POLN: variants seen among roughly 807,000 people sequenced by gnomAD.
POLN encodes DNA polymerase nu, also known as DNA polymerase N.
A neutral mutation model predicts 113.5 loss-of-function variants in POLN; 108 were observed. The observed-to-expected ratio is 0.95, with a 90% confidence interval of 0.81 to 1.12. The LOEUF (loss-of-function observed/expected upper bound fraction) is 1.12, where lower values mean the gene tolerates loss of function less well. Among genes scored for constraint, POLN ranks in the 50% most tolerant of loss-of-function variants. The pLI is 0.00. For synonymous variants in POLN, 386 were observed against 391.5 expected (o/e 0.99, Z 0.17); for missense variants, 1,097 against 1,077.1 (o/e 1.02, Z -0.26).
chr4:2,171,177 C>T lies in POLN; in HGVS notation c.1379G>A (p.Arg460His), dbSNP rs763131078. 33 of 1,610,898 alleles carry T rather than the reference C, an allele frequency of 2.0e-5. No homozygotes were observed. Among genetic ancestry groups the T allele is most frequent in the Middle Eastern group, 3.3e-4 (2 of 6,070 alleles). ...MEKTSALLGARLKELEQEAHF... is the reference protein window; with the variant it reads ...MEKTSALLGAHLKELEQEAHF... ...AGCTTCTTGCTCCAATTCCTTGAGA[C>T]GAGCCTGAAAATATGATACACACAA... The change falls in exon 12 of 26, where the codon CGT becomes CAT. Residue 460 changes from arginine (R) to histidine (H), a missense_variant. Coordinates refer to ENST00000511885, the MANE Select transcript of POLN (RefSeq NM_181808.4).
intron 4 of POLN, among the ~76,000 whole-genome samples, chr4:2,211,736 G>A (rs1013685773): frequency 2.0e-5 from 3 of 151,964 alleles, no homozygotes; most frequent in African/African-American, 7.3e-5. Flanking sequence ...TGGTTGCAGA[G>A]GTGGAGGTAG....
intron 20 of POLN, 41 bp from the exon 21 acceptor site, chr4:2,085,785 C>T: frequency 6.2e-7 from 1 of 1,609,240 alleles, no homozygotes; most frequent in East Asian, 2.2e-5. Flanking sequence ...TCACTCACAC[C>T]AGCCGTGACT....
intron 19 of POLN, among the ~76,000 whole-genome samples, chr4:2,114,543 T>C (rs1577700960): frequency 6.6e-6 from 1 of 152,350 alleles, no homozygotes; most frequent in South Asian, 2.1e-4. Context: ...GTTTCAGCAC[T>C]TGAAGGAAGT....
chr4:2,156,450 A>T (rs1222111958), intron 16 of POLN: 3 of 489,952 alleles, frequency 6.1e-6, no homozygotes, highest in Non-Finnish European at 1.2e-5. Context: ...TCATAGCATC[A>T]GATACTTCAA....
intron 7 of POLN, among the ~76,000 whole-genome samples, chr4:2,187,214 G>C (rs984841556): frequency 2.0e-5 from 3 of 151,648 alleles, no homozygotes; most frequent in African/African-American, 7.3e-5. Flanking sequence ...AATAATAACA[G>C]AAAACTTCCC....
intron 8 of POLN, among the ~76,000 whole-genome samples, chr4:2,176,605 A>G (rs1733003897): frequency 6.6e-6 from 1 of 152,186 alleles, no homozygotes; most frequent in Non-Finnish European, 1.5e-5. Flanking sequence ...AGACTGAGAA[A>G]CAGAACCACA....
chr4:2,098,901 CACAT>C (rs1730858375), intron 19 of POLN, among the ~76,000 whole-genome samples: 1 of 134,790 alleles, frequency 7.4e-6, no homozygotes, highest in Non-Finnish European at 1.6e-5. Context: ...AATGTGTGTG[CACAT>C]GCACGTGCGT....
rs957053016 is a variant in POLN at position 2,093,363 on chromosome 4, G to C, written c.2065+2488C>G. Reference sequence around the variant, plus strand: ...ACTGACATGGCACAGAAGTGAAGTAGGACTCAGACGTAACGGCAGATGACA... The same window carrying C: ...ACTGACATGGCACAGAAGTGAAGTACGACTCAGACGTAACGGCAGATGACA... On this transcript the variant is annotated intron_variant, in intron 20 of 25. Coordinates refer to ENST00000511885, the MANE Select transcript of POLN (RefSeq NM_181808.4). This position sits in a 1 kb window ranked among gnomAD's most constrained non-coding sequence, Gnocchi z 4.1. Among the ~76,000 whole-genome samples the C allele has an allele frequency of 6.6e-6, 1 of 152,246 alleles. No individual in the cohort carries two copies. Among genetic ancestry groups the C allele is most frequent in the African/African-American group, 2.4e-5 (1 of 41,466 alleles).
chr4:2,163,051 A>AAAAT (rs1732639892), intron 13 of POLN, among the ~76,000 whole-genome samples: 1 of 134,750 alleles, frequency 7.4e-6, no homozygotes. Context: ...AAAAAAAAAA[A>AAAAT]CTCCTGCCAG....
At chr4:2,098,285 G>T (rs117282175) in intron 19 of POLN, among the ~76,000 whole-genome samples, 1 of 152,236 alleles carries the variant, frequency 6.6e-6, no homozygotes, top group African/African-American at 2.4e-5. Context: ...TGGGCATGAT[G>T]ATATGCCCCT....
intron 7 of POLN, among the ~76,000 whole-genome samples, chr4:2,180,209 G>T (rs1733100609): frequency 1.3e-5 from 2 of 152,108 alleles, no homozygotes; most frequent in African/African-American, 4.8e-5. Flanking sequence ...ATATACATGA[G>T]AAAATGCTTT....
At position 2,159,317 on chromosome 4, in the gene POLN, T is replaced by A. The variant is rs1732520006; in HGVS notation, c.1555-106A>T. 33 of 968,700 alleles carry A rather than the reference T, an allele frequency of 3.4e-5. No individual in the cohort carries two copies. In the South Asian group the frequency reaches 4.1e-4, roughly 12 times the overall value. 60.0% of individuals were successfully genotyped at this position (968,700 alleles called of 1,614,324 possible). A position where few individuals can be genotyped will look rare whatever the true frequency, so the allele number is the denominator to read the frequency against. Reference sequence around the variant, plus strand: ...TCATAATAAATGGTCTAATTGAGCATATTTTCCAAAATAAAGATGCATAAT... The same window carrying A: ...TCATAATAAATGGTCTAATTGAGCAAATTTTCCAAAATAAAGATGCATAAT... On this transcript the variant is annotated intron_variant, in intron 13 of 25. Coordinates refer to ENST00000511885, the MANE Select transcript of POLN (RefSeq NM_181808.4).
intron 16 of POLN, among the ~76,000 whole-genome samples, chr4:2,131,774 G>A (rs531400309): frequency 6.6e-6 from 1 of 152,200 alleles, no homozygotes; most frequent in Non-Finnish European, 1.5e-5. Context: ...TTGGTGGCTT[G>A]TGCTACGTCC....
At chr4:2,076,812 G>C (rs1180134415) in intron 23 of POLN, 1 of 152,346 alleles carries the variant, frequency 6.6e-6, no homozygotes, top group African/African-American at 2.4e-5. Flanking sequence ...TTCCACAGGG[G>C]ATGTGGACTT....
intron 2 of POLN, chr4:2,240,664 C>T (rs1479801870): frequency 6.2e-7 from 1 of 1,613,966 alleles, no homozygotes; most frequent in Non-Finnish European, 8.5e-7. Context: ...TCTTTATCAT[C>T]CAGTCTAGGT....
chr4:2,074,031 C>G (rs1391231495), intron 24 of POLN, among the ~76,000 whole-genome samples: 1 of 152,238 alleles, frequency 6.6e-6, no homozygotes, highest in Admixed American at 6.5e-5. Context: ...GAGAGCCGGC[C>G]CAGGCCAAGC....
chr4:2,241,275 C>A (rs183088418), intron 2 of POLN, among the ~76,000 whole-genome samples: 2 of 152,166 alleles, frequency 1.3e-5, no homozygotes, highest in African/African-American at 4.8e-5. Flanking sequence ...AAAACCGCAA[C>A]AGTAACGAAA....
chr4:2,195,481 A>G (rs1378435846), intron 6 of POLN, among the ~76,000 whole-genome samples: 2 of 150,174 alleles, frequency 1.3e-5, no homozygotes, highest in East Asian at 3.9e-4. Flanking sequence ...TTAGCTTGGT[A>G]ATTCTTTTTT....
intron 2 of POLN, chr4:2,240,310 C>CTGCTG (rs761620636): frequency 3.5e-5 from 56 of 1,608,808 alleles, no homozygotes; most frequent in Non-Finnish European, 4.6e-5. Context: ...AAAGTTAATG[C>CTGCTG]TGCTGTGCTT....
Sources: allele counts gnomAD v4.1 joint callset (sites outside exome capture counted in the v4.1 genomes callset), GRCh38; gene constraint gnomAD v4.1.1; non-coding constraint Gnocchi (gnomAD v3.1); transcripts MANE v1.5; gene names NCBI Gene and HGNC (gene_info 2026-07-23, HGNC 2026-07-21).